Variants in KLHL4 observed in about 807,000 individuals in gnomAD.
KLHL4 encodes the protein kelch like family member 4.
A neutral mutation model predicts 45.8 loss-of-function variants in KLHL4; 17 were observed. The ratio of observed to expected loss-of-function variants is 0.37; its 90% CI spans 0.25 to 0.56. The LOEUF (loss-of-function observed/expected upper bound fraction) is 0.56. KLHL4 is among the 20% of genes least tolerant of loss of function. The pLI is 0.79. For missense variants in KLHL4, 544 were observed against 544.9 expected, an observed-to-expected ratio of 1.00 and a Z score of 0.02; for synonymous variants, 224 against 189.9, an observed-to-expected ratio of 1.18 and a Z score of -1.47.
chrX:87,619,484 A>G (rs1922676323), intron 4 of KLHL4, among the ~76,000 whole-genome samples: 1 of 111,607 alleles, frequency 9.0e-6, no homozygotes, highest in Admixed American at 9.6e-5. Context: ...ATTTAATTAC[A>G]CCATTTATGT....
chrX:87,561,903 G>A (rs767814327), intron 1 of KLHL4, among the ~76,000 whole-genome samples: 2 of 109,932 alleles, frequency 1.8e-5, no homozygotes, highest in East Asian at 2.9e-4. Flanking sequence ...TGGGCATCAC[G>A]GAAACCTGCT....
At chrX:87,556,572 C>T (rs1357873699) in intron 1 of KLHL4, among the ~76,000 whole-genome samples, 4 of 110,072 alleles carry the variant, frequency 3.6e-5, no homozygotes, top group East Asian at 2.9e-4. Context: ...ATACCTAATG[C>T]TAAATGATGA....
intron 1 of KLHL4, among the ~76,000 whole-genome samples, chrX:87,565,916 CA>C (rs1932201489): frequency 9.2e-6 from 1 of 108,752 alleles, no homozygotes; most frequent in South Asian, 4.0e-4. Flanking sequence ...AGTTATTAAT[CA>C]AAAAACTCCC....
intron 1 of KLHL4, among the ~76,000 whole-genome samples, chrX:87,537,978 T>C (rs1231651720): frequency 9.0e-6 from 1 of 111,584 alleles, no homozygotes; most frequent in East Asian, 2.8e-4. Flanking sequence ...CTGTACTTAA[T>C]GCCAAATACT....
chrX:87,628,022 A>G (rs962809204), intron 6 of KLHL4, among the ~76,000 whole-genome samples: 1 of 111,677 alleles, frequency 9.0e-6, no homozygotes, highest in Non-Finnish European at 1.9e-5. Context: ...TTGTTATGGA[A>G]GTAAATGAAG....
At chrX:87,609,053 G>A (rs148813363) in intron 1 of KLHL4, among the ~76,000 whole-genome samples, 29 of 111,129 alleles carry the variant, frequency 2.6e-4, no homozygotes, top group Non-Finnish European at 4.5e-4. Flanking sequence ...GAGAATGATG[G>A]TTTCCAGCTT....
intron 6 of KLHL4, among the ~76,000 whole-genome samples, chrX:87,629,240 A>C (rs751661183): frequency 9.0e-6 from 1 of 111,638 alleles, no homozygotes; most frequent in African/African-American, 3.2e-5. Context: ...GTTCTGGGGC[A>C]GAGAGTTATT....
rs1421566652 is a variant in KLHL4 at position 87,669,135 on chromosome X, G to A, written c.*2601G>A. On this transcript the variant is annotated 3_prime_UTR_variant, in exon 11 of 11. Transcript: ENST00000373119. ...AGTTTAAACAAATGTGTATAGGAAA[G>A]GATGTTATTTATATATTCTTACAAG... 5.9e-6 allele frequency: 6 copies of A among 1,016,764 alleles called. No homozygotes were observed. Among genetic ancestry groups the A allele is most frequent in the Admixed American group, 9.3e-5 (2 of 21,528 alleles). The allele number at this position is 1,016,764 out of a possible 1,213,427, so 83.8% of individuals were successfully genotyped here.
intron 4 of KLHL4, among the ~76,000 whole-genome samples, chrX:87,621,401 A>T (rs757173223): frequency 3.9e-4 from 43 of 110,856 alleles, no homozygotes; most frequent in African/African-American, 1.4e-3. Flanking sequence ...GTTTTGATTT[A>T]AAAAAATGAA....
intron 9 of KLHL4, among the ~76,000 whole-genome samples, chrX:87,641,588 G>A (rs1923460423): frequency 9.0e-6 from 1 of 111,716 alleles, no homozygotes; most frequent in South Asian, 3.8e-4. Context: ...GACTCCACAG[G>A]TGGGGGAAGA....
At chrX:87,587,129 A>G (rs1217649980) in intron 1 of KLHL4, among the ~76,000 whole-genome samples, 1 of 91,769 alleles carries the variant, frequency 1.1e-5, no homozygotes, top group Non-Finnish European at 2.1e-5. Context: ...GCCATAATAA[A>G]AATCTCTCCA....
chrX:87,664,739 C>A (rs776398371), intron 9 of KLHL4, 25 bp from the exon 10 acceptor site: 2 of 1,129,068 alleles, frequency 1.8e-6, no homozygotes, highest in South Asian at 2.0e-5. Flanking sequence ...CTTTTCCTCC[C>A]AATTATCTTT....
chrX:87,551,023 A>G (rs938562950), intron 1 of KLHL4, among the ~76,000 whole-genome samples: 9 of 111,386 alleles, frequency 8.1e-5, no homozygotes, highest in Non-Finnish European at 1.7e-4. Flanking sequence ...GACAAGAGAA[A>G]GAAATAAAAT....
At chrX:87,545,225 G>A (rs2147775225) in intron 1 of KLHL4, among the ~76,000 whole-genome samples, 1 of 112,446 alleles carries the variant, frequency 8.9e-6, no homozygotes, top group South Asian at 3.6e-4. Context: ...CTTGAAGACA[G>A]ACTATTTGAA....
chrX:87,632,896 C>T (rs1185721949), intron 7 of KLHL4, among the ~76,000 whole-genome samples: 1 of 111,084 alleles, frequency 9.0e-6, no homozygotes, highest in East Asian at 2.8e-4. Context: ...GTTGGCTGAA[C>T]AACAGAAAAA....
At chrX:87,558,458 T>C (rs1932027901) in intron 1 of KLHL4, among the ~76,000 whole-genome samples, 1 of 111,894 alleles carries the variant, frequency 8.9e-6, no homozygotes, top group Admixed American at 9.5e-5. Context: ...AATCATCTTA[T>C]ATGGTAATGT....
chrX:87,667,456 T>A lies in KLHL4; in HGVS notation c.*922T>A, dbSNP rs1355424754. ...AGTACCTTAAAATTGAGGATGTTAC[T>A]CAGTGTTAACACATGGGAACACCAA... On this transcript the variant is annotated 3_prime_UTR_variant, in exon 11 of 11. Coordinates refer to ENST00000373119, the MANE Select transcript of KLHL4 (RefSeq NM_019117.5). The A allele has an allele frequency of 1.4e-6, 1 of 704,471 alleles. No homozygotes were observed. Among genetic ancestry groups the A allele is most frequent in the African/African-American group, 2.4e-5 (1 of 42,112 alleles). The allele number at this position is 704,471 out of a possible 1,213,427, so 58.1% of individuals were successfully genotyped here.
rs1433225437 is a variant in KLHL4 at position 87,554,408 on chromosome X, T to C, written c.422+36093T>C. Reference sequence around the variant, plus strand: ...TTTTATTTCCTTGAGCAGTGGTTTGTAGTTCTCCTTGAAGAGGTCCTTCAC... The same window carrying C: ...TTTTATTTCCTTGAGCAGTGGTTTGCAGTTCTCCTTGAAGAGGTCCTTCAC... On this transcript the variant is annotated intron_variant, in intron 1 of 10. Transcript: ENST00000373119. Among the ~76,000 whole-genome samples the C allele has an allele frequency of 1.3e-4, 12 of 90,799 alleles. 1 individual carries two copies. The highest frequency in any genetic ancestry group is 4.2e-4 in the African/African-American group (10 of 23,842). The allele number at this position is 90,799 out of a possible 115,157, so 78.8% of individuals were successfully genotyped here.
At chrX:87,611,339 A>G (rs1184075179) in intron 1 of KLHL4, among the ~76,000 whole-genome samples, 1 of 111,327 alleles carries the variant, frequency 9.0e-6, no homozygotes, top group Non-Finnish European at 1.9e-5. Context: ...TGGAGGTGGT[A>G]GAGCATAGTG....
Sources: allele counts gnomAD v4.1 joint callset (sites outside exome capture counted in the v4.1 genomes callset), GRCh38; gene constraint gnomAD v4.1.1; transcripts MANE v1.5; gene names NCBI Gene and HGNC (gene_info 2026-07-23, HGNC 2026-07-21).